The following SLC14A2 variants were observed in gnomAD, a reference collection of about 807,000 sequenced individuals.
SLC14A2 encodes urea transporter 2.
Under a neutral mutation model 104.6 loss-of-function variants are expected in SLC14A2, and 91 were observed. That is an observed-to-expected ratio of 0.87 (90% CI 0.73 to 1.04). SLC14A2 has a LOEUF of 1.04. SLC14A2 is among the 50% of genes least tolerant of loss of function. The pLI, the probability that SLC14A2 is intolerant of heterozygous loss-of-function variation, is 0.00. For synonymous variants in SLC14A2, 476 were observed against 466.4 expected, an observed-to-expected ratio of 1.02 and a Z score of -0.27; for missense variants, 1,189 against 1,156.0, an observed-to-expected ratio of 1.03 and a Z score of -0.41.
intron 1 of SLC14A2, among the ~76,000 whole-genome samples, chr18:45,236,028 C>T (rs1451996111): frequency 9.2e-4 from 25 of 27,122 alleles, no homozygotes; most frequent in Admixed American, 1.2e-3. Flanking sequence ...TGTATATATA[C>T]ATATATGTGT....
the SLC14A2 span, among the ~76,000 whole-genome samples, chr18:45,170,534 G>A: frequency 6.6e-6 from 1 of 152,210 alleles, no homozygotes; most frequent in African/African-American, 2.4e-5. Context: ...TTTCAAATAT[G>A]TGAGGAGGTT....
chr18:45,408,043 C>T (rs1355503677), intron 1 of SLC14A2, among the ~76,000 whole-genome samples: 6 of 152,156 alleles, frequency 3.9e-5, no homozygotes, highest in African/African-American at 1.4e-4. Context: ...TGCCACAAAC[C>T]TTCAATTTGC....
At chr18:45,217,984 G>A (rs1405819612) in intron 1 of SLC14A2, among the ~76,000 whole-genome samples, 3 of 152,046 alleles carry the variant, frequency 2.0e-5, no homozygotes, top group Non-Finnish European at 2.9e-5. Context: ...ATTTCCATAA[G>A]GTGGTCACCT....
chr18:45,307,654 A>C (rs1048248163), intron 1 of SLC14A2, among the ~76,000 whole-genome samples: 10 of 152,100 alleles, frequency 6.6e-5, no homozygotes, highest in African/African-American at 2.2e-4. Flanking sequence ...CTCTCCCTTC[A>C]TACTCTTCTA....
chr18:45,394,039 C>T (rs1025830321), intron 1 of SLC14A2, among the ~76,000 whole-genome samples: 1 of 152,176 alleles, frequency 6.6e-6, no homozygotes, highest in African/African-American at 2.4e-5. Context: ...TCAGGTTTGC[C>T]CTCTTAGGGC....
At chr18:45,379,464 C>T (rs1255728542) in intron 1 of SLC14A2, among the ~76,000 whole-genome samples, 1 of 152,194 alleles carries the variant, frequency 6.6e-6, no homozygotes, top group Non-Finnish European at 1.5e-5. Flanking sequence ...TCCCCACCCC[C>T]ATTCCCTTAA....
intron 1 of SLC14A2, among the ~76,000 whole-genome samples, chr18:45,290,244 A>G (rs113248487): frequency 6.3e-4 from 96 of 152,244 alleles, no homozygotes; most frequent in African/African-American, 2.2e-3. Flanking sequence ...GTAGTTTGTC[A>G]ACACTTGCTT....
chr18:45,341,765 T>G (rs530330178), intron 1 of SLC14A2, among the ~76,000 whole-genome samples: 4 of 152,102 alleles, frequency 2.6e-5, no homozygotes, highest in Non-Finnish European at 4.4e-5. Flanking sequence ...ATTTTTGTAT[T>G]TTTAATAAAG....
chr18:45,472,356 T>C (rs1305082944), intron 1 of SLC14A2, among the ~76,000 whole-genome samples: 1 of 152,218 alleles, frequency 6.6e-6, no homozygotes, highest in Non-Finnish European at 1.5e-5. Context: ...TATGTCTTTA[T>C]AGTGGCATGA....
At chr18:45,442,843 G>T (rs2086701762) in intron 1 of SLC14A2, among the ~76,000 whole-genome samples, 1 of 152,140 alleles carries the variant, frequency 6.6e-6, no homozygotes, top group Non-Finnish European at 1.5e-5. Context: ...AACTAAGTCA[G>T]GTAGCTAGAA....
At chr18:45,471,478 C>T (rs954688639) in intron 1 of SLC14A2, among the ~76,000 whole-genome samples, 1 of 152,106 alleles carries the variant, frequency 6.6e-6, no homozygotes, top group Non-Finnish European at 1.5e-5. Flanking sequence ...TGAAATTATA[C>T]TTCTCCAAAT....
chr18:45,417,229 G>T (rs1042859319), intron 1 of SLC14A2, among the ~76,000 whole-genome samples: 27 of 151,928 alleles, frequency 1.8e-4, no homozygotes, highest in South Asian at 4.2e-4. Flanking sequence ...AAATTATGGG[G>T]TTTTTTTTAA....
intron 1 of SLC14A2, among the ~76,000 whole-genome samples, chr18:45,294,479 TGCATCTCACTCA>T (rs1376741368): frequency 6.6e-6 from 1 of 152,082 alleles, no homozygotes; most frequent in Non-Finnish European, 1.5e-5. Flanking sequence ...TTATTTGTTT[TGCATCTCACTCA>T]GTTATCTTCT....
In SLC14A2 at chr18:45,624,723, T is replaced by TCTA. The variant is rs1324286095; in HGVS notation, c.61_63dup (p.Tyr21dup). On this transcript the variant is annotated inframe_insertion, in exon 2 of 20. Coordinates refer to ENST00000255226, the MANE Select transcript of SLC14A2 (RefSeq NM_007163.4). ...GAGCCACTTTCCAGCAGATACAAAC[T>TCTA]CTACGAGGCAGAGTTTACCAGCCCG... 1.2e-6 allele frequency: 2 copies of TCTA among 1,613,298 alleles called. No homozygotes were observed. The highest frequency in any genetic ancestry group is 1.7e-6 in the Non-Finnish European group (2 of 1,179,750).
rs2045972359 is a variant in SLC14A2, at chr18:45,663,924, C to A, written c.1474+17C>A. 6.2e-7 allele frequency: 1 copy of A among 1,600,846 alleles called. No individual in the cohort carries two copies. On this transcript the variant is annotated intron_variant, in intron 11 of 19. Coordinates refer to ENST00000255226, the MANE Select transcript of SLC14A2 (RefSeq NM_007163.4). ...GGAGCAAAGGTGTGCATGTCCTCCCCCTCACGCTTGGATCCCTGCCTTCCT... is the reference window on the plus strand; with the variant it reads ...GGAGCAAAGGTGTGCATGTCCTCCCACTCACGCTTGGATCCCTGCCTTCCT...
intron 2 of SLC14A2, among the ~76,000 whole-genome samples, chr18:45,571,096 C>T (rs1461772309): frequency 6.6e-6 from 1 of 152,182 alleles, no homozygotes; most frequent in Non-Finnish European, 1.5e-5. Context: ...GGTTGATTCT[C>T]CTGTGCCTTT....
At chr18:45,180,906 GTAT>G in the SLC14A2 span, 1 of 152,178 alleles carries the variant, frequency 6.6e-6, no homozygotes, top group African/African-American at 2.4e-5. Flanking sequence ...GGGAAGCAAT[GTAT>G]TATTCAGAGA....
At chr18:45,610,067 A>G (rs191258973) in intron 2 of SLC14A2, among the ~76,000 whole-genome samples, 243 of 152,340 alleles carry the variant, frequency 1.6e-3, no homozygotes, top group African/African-American at 5.6e-3. Flanking sequence ...AAATGAAGAT[A>G]GTTTCCAGCC....
intron 1 of SLC14A2, among the ~76,000 whole-genome samples, chr18:45,219,752 A>G (rs181995633): frequency 6.6e-6 from 1 of 152,328 alleles, no homozygotes; most frequent in African/African-American, 2.4e-5. Flanking sequence ...GTTTACTTTT[A>G]AACAAGCACC....
Sources: gnomAD v4.1 joint callset for allele counts (sites outside exome capture counted in the v4.1 genomes callset) on GRCh38, gnomAD v4.1.1 for gene constraint, MANE v1.5 for transcripts, NCBI Gene and HGNC (gene_info 2026-07-23, HGNC 2026-07-21) for gene names.